The following HSPG2 variants were observed in gnomAD, a reference collection of about 807,000 sequenced individuals.
HSPG2 encodes the protein heparan sulfate proteoglycan 2, also known as basement membrane-specific heparan sulfate proteoglycan core protein.
HSPG2 carries 278 observed loss-of-function variants against 526.6 expected under a neutral mutation model. That is an observed-to-expected ratio of 0.53 (90% CI 0.48 to 0.58). The LOEUF (loss-of-function observed/expected upper bound fraction) is 0.58, where lower values mean the gene tolerates loss of function less well. Ranked by LOEUF, HSPG2 falls within the 20% of genes least tolerant of loss-of-function variation. HSPG2 has a pLI of 0.00. For missense variants in HSPG2, 5,354 were observed against 6,099.5 expected, an observed-to-expected ratio of 0.88 and a Z score of 4.07; for synonymous variants, 2,465 against 2,555.4, an observed-to-expected ratio of 0.96 and a Z score of 1.07.
At chr1:21,882,000 C>T (rs1396652694) in intron 13 of HSPG2, among the ~76,000 whole-genome samples, 1 of 151,460 alleles carries the variant, frequency 6.6e-6, no homozygotes, top group African/African-American at 2.4e-5. Flanking sequence ...TTTTTTCCTC[C>T]TTCCCAAATA....
At position 21,823,298 on chromosome 1, in the gene HSPG2, T is replaced by C. The variant is rs1225897515; in HGVS notation, c.*18A>G. On this transcript the variant is annotated 3_prime_UTR_variant, in exon 97 of 97. Transcript: ENST00000374695. ...GGCTGGGGCGTGGCCCGGGAGTCCG[T>C]GTGGGGCAGGCAGGTGCCTACGAGG... 10 of 1,509,426 alleles carry C rather than the reference T, an allele frequency of 6.6e-6. No individual in the cohort carries two copies. The highest frequency in any genetic ancestry group is 8.9e-6 in the Non-Finnish European group (10 of 1,129,338). 93.5% of individuals were successfully genotyped at this position (1,509,426 alleles called of 1,614,324 possible).
chr1:21,827,756 G>T, intron 91 of HSPG2, 107 bp downstream of exon 91: 3 of 1,138,818 alleles, frequency 2.6e-6, no homozygotes, highest in Non-Finnish European at 3.8e-6. Context: ...TGCCCAGCAA[G>T]CTCCTCATAT....
At position 21,854,765 on chromosome 1, in the gene HSPG2, G is replaced by A. The variant is rs138589878; in HGVS notation, c.6134C>T (p.Ala2045Val). 81 of 1,613,490 alleles carry A rather than the reference G, an allele frequency of 5.0e-5. No homozygotes were observed. The highest frequency in any genetic ancestry group is 6.9e-5 in the Non-Finnish European group (81 of 1,179,816). The change falls in exon 49 of 97, where the codon GCC becomes GTC. Residue 2045 changes from alanine to valine, a missense_variant and splice_region_variant. By Grantham distance (64) the Ala-to-Val change is moderately conservative. Coordinates refer to ENST00000374695, the MANE Select transcript of HSPG2 (RefSeq NM_005529.7). Reference sequence around the variant, plus strand: ...GACCGGCGGTGGGCTGGCATCTGAGGCTGGGGCCAGAGTAGGGGTCAGCAG... The same window carrying A: ...GACCGGCGGTGGGCTGGCATCTGAGACTGGGGCCAGAGTAGGGGTCAGCAG... ...QARIQVVVLS[A>V]SDASPPPVKI...
Position 21,841,204 on chromosome 1 carries a change from G to A in HSPG2, c.9410C>T (p.Ala3137Val). Reference protein sequence around the residue: ...GKAVTLECVSAGEPRSSARWT... With the variant: ...GKAVTLECVSVGEPRSSARWT... The stretch of plus-strand genomic sequence containing the variant: ...ACGAGCAGAGGAGCGGGGCTCCCCG[G>A]CACTGACACACTCCAGGGTGACAGC... Residue 3137 changes from alanine to valine, a missense_variant, in exon 71 of 97, where the codon GCC becomes GTC. Coordinates refer to ENST00000374695, the MANE Select transcript of HSPG2 (RefSeq NM_005529.7). The A allele has an allele frequency of 1.9e-6, 3 of 1,613,864 alleles. No individual in the cohort carries two copies. The highest frequency in any genetic ancestry group is 2.5e-6 in the Non-Finnish European group (3 of 1,180,042).
chr1:21,910,876 C>T (rs1167258222), intron 1 of HSPG2, among the ~76,000 whole-genome samples: 3 of 152,210 alleles, frequency 2.0e-5, no homozygotes, highest in East Asian at 1.9e-4. Flanking sequence ...GAGGTCGGTA[C>T]CATTATCTTA....
chr1:21,825,873 C>G (rs1336009959), intron 91 of HSPG2, among the ~76,000 whole-genome samples: 1 of 152,080 alleles, frequency 6.6e-6, no homozygotes, highest in African/African-American at 2.4e-5. Flanking sequence ...ACAACCCCCA[C>G]CTCCCAGGTT....
Position 21,830,461 on chromosome 1 carries a change from T to C in HSPG2, c.11672-370A>G, listed in dbSNP as rs141165708. 517 of 325,434 alleles carry C rather than the reference T, an allele frequency of 1.6e-3. 3 individuals are homozygous for C. The highest frequency in any genetic ancestry group is 6.9e-3 in the African/African-American group (321 of 46,834). 20.2% of individuals were successfully genotyped at this position (325,434 alleles called of 1,614,324 possible). A position where few individuals can be genotyped will look rare whatever the true frequency, so the allele number is the denominator to read the frequency against. On this transcript the variant is annotated intron_variant, in intron 85 of 96. Transcript: ENST00000374695. Reference sequence around the variant, plus strand: ...CAGCACTTTGGGAGGCCGAGGTGGGTGGATCACCTGAGGTCAGGAGTTCAA... The same window carrying C: ...CAGCACTTTGGGAGGCCGAGGTGGGCGGATCACCTGAGGTCAGGAGTTCAA...
Position 21,842,800 on chromosome 1 carries a change from C to T in HSPG2, c.8880G>A (p.Lys2960=), listed in dbSNP as rs1162603876. 1.9e-6 allele frequency: 3 copies of T among 1,613,754 alleles called. No individual in the cohort carries two copies. The highest frequency in any genetic ancestry group is 2.2e-5 in the East Asian group (1 of 44,882). The stretch of plus-strand genomic sequence containing the variant: ...GCCGGGCGGGGAGGCTGCCCCCGCG[C>T]TTGTACCACGTGACCTGGGCATGGG... ...GQAHAQVTWY[K]RGGSLPARHQ... Residue 2960 remains lysine (K), a synonymous_variant, in exon 67 of 97, where the codon AAG becomes AAA. Coordinates refer to ENST00000374695, the MANE Select transcript of HSPG2 (RefSeq NM_005529.7).
chr1:21,909,222 C>T (rs1170850178), intron 1 of HSPG2, among the ~76,000 whole-genome samples: 1 of 152,248 alleles, frequency 6.6e-6, no homozygotes, highest in Non-Finnish European at 1.5e-5. Context: ...TATACCTCCC[C>T]TCTTGCCCTG....
Position 21,851,942 on chromosome 1 carries a change from C to T in HSPG2, c.6871-16G>A, listed in dbSNP as rs749905894. On this transcript the variant is annotated splice_polypyrimidine_tract_variant and intron_variant, in intron 53 of 96. Coordinates refer to ENST00000374695, the MANE Select transcript of HSPG2 (RefSeq NM_005529.7). ...AGCCACGAACCTGGGCAGCCGTGGG[C>T]AGAGGTGTGAGGGGGGCTTCCCGGA... is the stretch of plus-strand genomic sequence containing the variant. The T allele has an allele frequency of 1.2e-6, 2 of 1,603,134 alleles. No individual in the cohort carries two copies. The highest frequency in any genetic ancestry group is 1.3e-5 in the African/African-American group (1 of 74,652).
intron 50 of HSPG2, 141 bp downstream of exon 50, chr1:21,854,052 C>T (rs1462727790): frequency 2.2e-6 from 2 of 929,380 alleles, no homozygotes; most frequent in Non-Finnish European, 3.2e-6. Flanking sequence ...CACTCAACCT[C>T]CTTCTCTCTC....
chr1:21,915,274 G>A (rs1168214782), intron 1 of HSPG2, among the ~76,000 whole-genome samples: 3 of 152,232 alleles, frequency 2.0e-5, no homozygotes, highest in Admixed American at 2.0e-4. Flanking sequence ...TGGGAGCTGG[G>A]GACTAGGGAC....
intron 33 of HSPG2, among the ~76,000 whole-genome samples, chr1:21,868,674 C>CCAGGGGT (rs1640422066): frequency 1.3e-5 from 2 of 150,368 alleles, no homozygotes; most frequent in South Asian, 2.1e-4. Flanking sequence ...GGGTCAGGGG[C>CCAGGGGT]CAGGGGTCAG....
At position 21,887,971 on chromosome 1, in the gene HSPG2, C is replaced by G. The variant is rs547943869; in HGVS notation, c.670G>C (p.Asp224His). 1 of 1,614,164 alleles carries G rather than the reference C, an allele frequency of 6.2e-7. No individual in the cohort carries two copies. The highest frequency in any genetic ancestry group is 8.5e-7 in the Non-Finnish European group (1 of 1,180,046). Residue 224 changes from aspartate (D) to histidine (H), a missense_variant, in exon 7 of 97, where the codon GAC becomes CAC. Transcript: ENST00000374695. The surrounding 1 kb of genome is among the most constrained non-coding windows in gnomAD (Gnocchi z 5.0). ...AGCTCATCAGACATGTCCCTGCAGT[C>G]GGGCCGCCGGTCACAGCGATACTCC... is the stretch of plus-strand genomic sequence containing the variant. ...ALEYRCDRRP[D>H]CRDMSDELNC...
intron 85 of HSPG2, 160 bp downstream of exon 85, chr1:21,830,822 C>T (rs2098000311): frequency 1.6e-6 from 1 of 631,442 alleles, no homozygotes; most frequent in Non-Finnish European, 2.9e-6. Context: ...CTTCGGGTAG[C>T]AGAGATGGGG....
chr1:21,834,645 C>G lies in HSPG2; in HGVS notation c.10720+34G>C, dbSNP rs1436646193. On this transcript the variant is annotated intron_variant, in intron 77 of 96. Transcript: ENST00000374695. ...GCAGGAGAAGCCCCTGCCCCACTCA[C>G]TGTCCCCCAACAAAAGTCCCCACTG... The G allele has an allele frequency of 2.5e-6, 4 of 1,612,912 alleles. No individual in the cohort carries two copies. In the South Asian group the frequency reaches 4.4e-5, roughly 18 times the overall value.
In HSPG2 at chr1:21,879,102, T is replaced by TC; in HGVS notation, c.2362dup (p.Glu788GlyfsTer53). 6.2e-7 allele frequency: 1 copy of TC among 1,614,196 alleles called. No homozygotes were observed. Among genetic ancestry groups the TC allele is most frequent in the Non-Finnish European group, 8.5e-7 (1 of 1,180,028 alleles). On this transcript the variant is annotated frameshift_variant, in exon 18 of 97. Coordinates refer to ENST00000374695, the MANE Select transcript of HSPG2 (RefSeq NM_005529.7). LOFTEE classifies it high-confidence loss of function. The stretch of plus-strand genomic sequence containing the variant: ...CTTGCACTTGTTGCACTGTGGCCCC[T>TC]CCGTGTTGTGCTGGCAATTCTAGAA...
chr1:21,936,896 G>A (rs1422326355), intron 1 of HSPG2, among the ~76,000 whole-genome samples: 6 of 152,192 alleles, frequency 3.9e-5, no homozygotes, highest in Non-Finnish European at 7.4e-5. Context: ...CAACGTGGCC[G>A]AGAGACCCAC....
chr1:21,854,871 C>A lies in HSPG2; in HGVS notation c.6110G>T (p.Arg2037Leu), dbSNP rs760003870. The A allele has an allele frequency of 6.2e-7, 1 of 1,614,086 alleles. No homozygotes were observed. The highest frequency in any genetic ancestry group is 1.7e-5 in the Admixed American group (1 of 59,998). The change falls in exon 48 of 97, where the codon CGG becomes CTG. Residue 2037 changes from arginine (R) to leucine (L), a missense_variant. Arg to Leu is a moderately radical substitution (Grantham distance 102, BLOSUM62 -2). Transcript: ENST00000374695. Reference sequence around the variant, plus strand: ...ACCTGAAAGGACAACCACTTGGATCCGGGCCTGGGCAGTGCCTGCAGGGCT... The same window carrying A: ...ACCTGAAAGGACAACCACTTGGATCAGGGCCTGGGCAGTGCCTGCAGGGCT... ...ATSPAGTAQA[R>L]IQVVVLSASD... is the part of the protein sequence containing the mutation.
Sources: allele counts gnomAD v4.1 joint callset (sites outside exome capture counted in the v4.1 genomes callset), GRCh38; gene constraint gnomAD v4.1.1; non-coding constraint Gnocchi (gnomAD v3.1); transcripts MANE v1.5; gene names NCBI Gene and HGNC (gene_info 2026-07-23, HGNC 2026-07-21).